Variants in SMURF1 observed in about 807,000 individuals in gnomAD.
SMURF1 encodes the protein E3 ubiquitin-protein ligase SMURF1.
A neutral mutation model predicts 98.0 loss-of-function variants in SMURF1; 44 were observed. That is an observed-to-expected ratio of 0.45 (90% CI 0.35 to 0.58). The LOEUF (loss-of-function observed/expected upper bound fraction) is 0.58. Among genes scored for constraint, SMURF1 ranks in the 20% least tolerant of loss-of-function variants. The pLI is 0.00. For missense variants in SMURF1, 687 were observed against 938.4 expected (o/e 0.73, Z 3.50); for synonymous variants, 396 against 374.9 (o/e 1.06, Z -0.65).
At position 99,047,744 on chromosome 7, in the gene SMURF1, C is replaced by T. The variant is rs559762342; in HGVS notation, c.1092G>A (p.Ser364=). ...AATGACCAGCTTGGGGCTGCTGAAG[C>T]GACAGTTCGTGTCTGAGGACTTTCA... is the stretch of plus-strand genomic sequence containing the variant. ...QKLKVLRHEL[S]LQQPQAGHCR... is the part of the protein sequence containing the mutation. The change falls in exon 10 of 18, where the codon TCG becomes TCA. Residue 364 remains serine, a synonymous_variant. Coordinates refer to ENST00000361368, the MANE Select transcript of SMURF1 (RefSeq NM_181349.3). 80 of 1,614,230 alleles carry T rather than the reference C, an allele frequency of 5.0e-5. No individual in the cohort carries two copies. The South Asian group carries it at 7.5e-4, about 15-fold the overall frequency.
chr7:99,063,234 GATTTATTTATAT>G (rs1796080864), intron 1 of SMURF1, among the ~76,000 whole-genome samples: 1 of 20,468 alleles, frequency 4.9e-5, no homozygotes, highest in African/African-American at 1.3e-4. Flanking sequence ...ATATATATAA[GATTTATTTATAT>G]ATATATATAT....
chr7:99,107,802 A>G (rs1195607705), intron 1 of SMURF1, among the ~76,000 whole-genome samples: 1 of 152,204 alleles, frequency 6.6e-6, no homozygotes, highest in African/African-American at 2.4e-5. Context: ...ATGCAACCTC[A>G]CACGTGATCG....
rs1023702036 is a variant in SMURF1 at position 99,057,126 on chromosome 7, G to C, written c.403+79C>G. On this transcript the variant is annotated intron_variant, in intron 5 of 17. Coordinates refer to ENST00000361368, the MANE Select transcript of SMURF1 (RefSeq NM_181349.3). ...AGGCCCGTCAGCATCGTCAGTGCCT[G>C]TATGTGAGTTCTCGGCGATGAAGGG... 4.0e-6 allele frequency: 6 copies of C among 1,486,632 alleles called. No homozygotes were observed. In the African/African-American group the frequency reaches 6.9e-5, roughly 17 times the overall value. The allele number at this position is 1,486,632 out of a possible 1,614,324, so 92.1% of individuals were successfully genotyped here. A position where few individuals can be genotyped will look rare whatever the true frequency, so the allele number is the denominator to read the frequency against.
At chr7:99,032,057 G>A (rs989059807) in intron 17 of SMURF1, among the ~76,000 whole-genome samples, 14 of 152,288 alleles carry the variant, frequency 9.2e-5, no homozygotes, top group South Asian at 2.1e-4. Context: ...AGAAGATGGG[G>A]ACCCAGAAAT....
chr7:99,074,995 T>C (rs571517951), intron 1 of SMURF1, among the ~76,000 whole-genome samples: 1 of 152,266 alleles, frequency 6.6e-6, no homozygotes, highest in South Asian at 2.1e-4. Flanking sequence ...AAAACCACAG[T>C]AAGGTACCAC....
chr7:99,052,564 A>G, intron 6 of SMURF1, 118 bp from the exon 7 acceptor site: 1 of 1,135,726 alleles, frequency 8.8e-7, no homozygotes, highest in Non-Finnish European at 1.1e-6. Flanking sequence ...TTCCTTTAAC[A>G]ACGTCCAGTG....
intron 1 of SMURF1, among the ~76,000 whole-genome samples, chr7:99,141,851 C>G (rs1468885389): frequency 6.6e-6 from 1 of 152,206 alleles, no homozygotes; most frequent in African/African-American, 2.4e-5. Context: ...CCTGACCAAA[C>G]CAGGACTTTG....
At chr7:99,107,115 G>A (rs915936119) in intron 1 of SMURF1, among the ~76,000 whole-genome samples, 2 of 152,210 alleles carry the variant, frequency 1.3e-5, no homozygotes, top group Non-Finnish European at 2.9e-5. Context: ...CATAGCAGAC[G>A]TAGAGAGTTC....
At chr7:99,135,594 T>TTA (rs1412921238) in intron 1 of SMURF1, among the ~76,000 whole-genome samples, 1 of 152,262 alleles carries the variant, frequency 6.6e-6, no homozygotes, top group East Asian at 1.9e-4. Flanking sequence ...TCTTATTATG[T>TTA]TACAGCTACA....
intron 9 of SMURF1, chr7:99,048,156 G>A (rs1795643262): frequency 2.5e-6 from 1 of 396,000 alleles, no homozygotes; most frequent in Non-Finnish European, 4.8e-6. Context: ...GGGAGGCTGA[G>A]GTGGGTGGAT....
rs1326585756 is a variant in SMURF1 at position 99,042,487 on chromosome 7, G to T, written c.1257-255C>A. On this transcript the variant is annotated intron_variant, in intron 11 of 17. Coordinates refer to ENST00000361368, the MANE Select transcript of SMURF1 (RefSeq NM_181349.3). ...ACAGGGTTTCACCATGTTGGCCAGG[G>T]TGGCCTCGAACTCCTGACCTCAAAT... Among the ~76,000 whole-genome samples the T allele has an allele frequency of 5.9e-5, 9 of 152,110 alleles. No individual in the cohort carries two copies. In the East Asian group the frequency reaches 1.7e-3, roughly 29 times the overall value.
At position 99,033,095 on chromosome 7, in the gene SMURF1, G is replaced by A; in HGVS notation, c.2038C>T (p.Leu680=). The change falls in exon 17 of 18, where the codon CTG becomes TTG. Residue 680 remains leucine (L), a synonymous_variant. Coordinates refer to ENST00000361368, the MANE Select transcript of SMURF1 (RefSeq NM_181349.3). The stretch of plus-strand genomic sequence containing the variant: ...GCGTCTATCAGGTGGATGGTGAACA[G>A]CCGGGGCCCTGCCGCGCCTGTAGAA... ...QGSTGAAGPR[L]FTIHLIDANT... is the part of the protein sequence containing the mutation. 6.3e-7 allele frequency: 1 copy of A among 1,588,510 alleles called. No individual in the cohort carries two copies. The highest frequency in any genetic ancestry group is 8.6e-7 in the Non-Finnish European group (1 of 1,166,768).
intron 2 of SMURF1, among the ~76,000 whole-genome samples, chr7:99,060,963 G>A (rs1364484630): frequency 2.6e-5 from 4 of 151,836 alleles, no homozygotes; most frequent in Non-Finnish European, 5.9e-5. Flanking sequence ...AGGGAAAAGT[G>A]TCTGAAAGTA....
chr7:99,120,380 T>C (rs1266196519), intron 1 of SMURF1, among the ~76,000 whole-genome samples: 1 of 152,184 alleles, frequency 6.6e-6, no homozygotes, highest in Non-Finnish European at 1.5e-5. Context: ...AAAGATGTCC[T>C]ATCATTGTCT....
At chr7:99,132,699 GACAC>G (rs113194877) in intron 1 of SMURF1, among the ~76,000 whole-genome samples, 5 of 147,278 alleles carry the variant, frequency 3.4e-5, no homozygotes, top group African/African-American at 7.5e-5. Context: ...CAGACACACG[GACAC>G]ACACACACAC....
At chr7:99,038,876 C>T (rs902739681) in intron 13 of SMURF1, among the ~76,000 whole-genome samples, 18 of 152,022 alleles carry the variant, frequency 1.2e-4, no homozygotes, top group African/African-American at 4.3e-4. Context: ...GGAAATTGAC[C>T]TGGAGATGAA....
chr7:99,141,643 A>G (rs1222315192), intron 1 of SMURF1, among the ~76,000 whole-genome samples: 1 of 152,212 alleles, frequency 6.6e-6, no homozygotes, highest in Non-Finnish European at 1.5e-5. Context: ...TTTGGGTCCA[A>G]ATCATTATTT....
intron 1 of SMURF1, among the ~76,000 whole-genome samples, chr7:99,118,252 A>C (rs1217269537): frequency 6.6e-6 from 1 of 152,240 alleles, no homozygotes; most frequent in Admixed American, 6.5e-5. Flanking sequence ...CAGTCCCTCA[A>C]AATTTAAATA....
intron 17 of SMURF1, chr7:99,031,411 CAAAAAATACA>C (rs1794883016): frequency 6.6e-6 from 1 of 152,194 alleles, no homozygotes; most frequent in Admixed American, 6.5e-5. Flanking sequence ...CGTAGCAAAC[CAAAAAATACA>C]AAATTGTGAC....
Sources: allele counts gnomAD v4.1 joint callset (sites outside exome capture counted in the v4.1 genomes callset), GRCh38; gene constraint gnomAD v4.1.1; transcripts MANE v1.5; gene names NCBI Gene and HGNC (gene_info 2026-07-23, HGNC 2026-07-21).